Variants in ENTPD7 observed in about 807,000 individuals in gnomAD.
ENTPD7 encodes NTPDase 7.
Under a neutral mutation model 77.9 loss-of-function variants are expected in ENTPD7, and 53 were observed. The observed-to-expected ratio is 0.68, with a 90% confidence interval of 0.55 to 0.85. ENTPD7 has a LOEUF of 0.85. Ranked by LOEUF, ENTPD7 falls within the 40% of genes least tolerant of loss-of-function variation. ENTPD7 has a pLI of 0.00. For missense variants in ENTPD7, 636 were observed against 743.7 expected (o/e 0.86, Z 1.68); for synonymous variants, 248 against 274.9 (o/e 0.90, Z 0.97).
Position 99,706,144 on chromosome 10 carries a change from A to G in ENTPD7, c.*1461A>G, listed in dbSNP as rs1329493241. On this transcript the variant is annotated 3_prime_UTR_variant, in exon 13 of 13. Coordinates refer to ENST00000370489, the MANE Select transcript of ENTPD7 (RefSeq NM_020354.5). ...AAAACAAAAGTAGAATTCTTCAAAA[A>G]TAAATTTCATACTGGGAACAGAAAG... is the stretch of plus-strand genomic sequence containing the variant. 1 of 152,224 alleles carries G rather than the reference A, an allele frequency of 6.6e-6. No individual in the cohort carries two copies. The highest frequency in any genetic ancestry group is 1.5e-5 in the Non-Finnish European group (1 of 68,034). The allele number at this position is 152,224 out of a possible 1,614,324, so 9.4% of individuals were successfully genotyped here. A position where few individuals can be genotyped will look rare whatever the true frequency, so the allele number is the denominator to read the frequency against.
At chr10:99,664,794 C>T (rs1590036297) in intron 3 of ENTPD7, among the ~76,000 whole-genome samples, 5 of 151,994 alleles carry the variant, frequency 3.3e-5, no homozygotes, top group Admixed American at 3.3e-4. Flanking sequence ...AGTTAAGAGG[C>T]TTTGGGCTGC....
Position 99,710,252 on chromosome 10 carries a change from T to C in ENTPD7, c.*5569T>C. 1.0e-6 allele frequency: 1 copy of C among 985,428 alleles called. No individual in the cohort carries two copies. Among genetic ancestry groups the C allele is most frequent in the Non-Finnish European group, 1.2e-6 (1 of 829,940 alleles). The allele number at this position is 985,428 out of a possible 1,614,324, so 61.0% of individuals were successfully genotyped here. On this transcript the variant is annotated 3_prime_UTR_variant, in exon 13 of 13. Coordinates refer to ENST00000370489, the MANE Select transcript of ENTPD7 (RefSeq NM_020354.5). ...AGACGCCCCTTACTAGCTTCATAAATGTTTTTCTGCAAGCAGGGATCCCAG... is the reference window on the plus strand; with the variant it reads ...AGACGCCCCTTACTAGCTTCATAAACGTTTTTCTGCAAGCAGGGATCCCAG...
chr10:99,690,804 T>A (rs1048500469), intron 7 of ENTPD7, among the ~76,000 whole-genome samples: 11 of 152,144 alleles, frequency 7.2e-5, no homozygotes, highest in Non-Finnish European at 1.3e-4. Context: ...TCTCCCTTCA[T>A]AATTTTTAAA....
At chr10:99,695,221 A>G (rs1197117915) in intron 8 of ENTPD7, among the ~76,000 whole-genome samples, 2 of 152,120 alleles carry the variant, frequency 1.3e-5, no homozygotes, top group African/African-American at 4.8e-5. Flanking sequence ...GGCTTCTTGG[A>G]TAATGTTAGA....
chr10:99,663,366 CT>C, intron 3 of ENTPD7, among the ~76,000 whole-genome samples: 1 of 151,520 alleles, frequency 6.6e-6, no homozygotes, highest in Admixed American at 6.6e-5. Context: ...TAGAATGTAT[CT>C]TTTTCCTCTG....
At position 99,698,761 on chromosome 10, in the gene ENTPD7, G is replaced by C; in HGVS notation, c.1238G>C (p.Ser413Thr). The change falls in exon 10 of 13, where the codon AGC (serine) becomes ACC (threonine). Residue 413 changes from serine (S) to threonine (T), a missense_variant. Ser to Thr is a moderately conservative substitution (Grantham distance 58). Transcript: ENST00000370489. ...IYQSPIDFNNSEFYGFSEFFY... is the reference protein window; with the variant it reads ...IYQSPIDFNNTEFYGFSEFFY... ...CAATCGCCTATTGACTTCAACAACA[G>C]CGAGTTCTACGGCTTCTCTGAGTTT... is the stretch of plus-strand genomic sequence containing the variant. 6.2e-7 allele frequency: 1 copy of C among 1,614,272 alleles called. No individual in the cohort carries two copies. Among genetic ancestry groups the C allele is most frequent in the Non-Finnish European group, 8.5e-7 (1 of 1,180,058 alleles).
chr10:99,663,414 A>C (rs1463460927), intron 3 of ENTPD7, among the ~76,000 whole-genome samples: 1 of 150,508 alleles, frequency 6.6e-6, no homozygotes, highest in East Asian at 1.9e-4. Flanking sequence ...ACTGGTTTTA[A>C]GCAATTTGAT....
chr10:99,698,984 T>C (rs2036048758), intron 10 of ENTPD7, 126 bp downstream of exon 10: 1 of 841,276 alleles, frequency 1.2e-6, no homozygotes, highest in Non-Finnish European at 1.8e-6. Context: ...CAGGAGCCCT[T>C]TGAACACTCA....
At chr10:99,670,994 G>A (rs2035613505) in intron 3 of ENTPD7, among the ~76,000 whole-genome samples, 1 of 151,740 alleles carries the variant, frequency 6.6e-6, no homozygotes, top group South Asian at 2.1e-4. Flanking sequence ...CTCCATCCTG[G>A]GCAACAGAGC....
chr10:99,669,170 C>G (rs900223936), intron 3 of ENTPD7, among the ~76,000 whole-genome samples: 1 of 151,608 alleles, frequency 6.6e-6, no homozygotes, highest in East Asian at 1.9e-4. Flanking sequence ...GAGCCACTGT[C>G]CTAGGCCCAT....
intron 8 of ENTPD7, among the ~76,000 whole-genome samples, chr10:99,693,083 T>G (rs1457749157): frequency 1.3e-5 from 2 of 151,996 alleles, no homozygotes; most frequent in Non-Finnish European, 2.9e-5. Context: ...ATTGTGGTAG[T>G]GTGAGTAGGG....
intron 3 of ENTPD7, among the ~76,000 whole-genome samples, chr10:99,667,005 T>G (rs1418443186): frequency 1.3e-5 from 2 of 152,180 alleles, no homozygotes; most frequent in Non-Finnish European, 2.9e-5. Context: ...AGCATTTAAA[T>G]GTATGTGGGT....
intron 5 of ENTPD7, among the ~76,000 whole-genome samples, chr10:99,684,097 C>G (rs1241200216): frequency 1.3e-5 from 2 of 152,134 alleles, no homozygotes; most frequent in Non-Finnish European, 2.9e-5. Flanking sequence ...CCTCTATCGC[C>G]CAGGCTGGAG....
intron 12 of ENTPD7, 117 bp from the exon 13 acceptor site, chr10:99,704,335 A>C: frequency 9.8e-7 from 1 of 1,020,968 alleles, no homozygotes; most frequent in Non-Finnish European, 1.5e-6. Flanking sequence ...TGGTGTCATA[A>C]AATGTTTATG....
At position 99,710,505 on chromosome 10, in the gene ENTPD7, A is replaced by G. The variant is rs1590073976; in HGVS notation, c.*5822A>G. 1.0e-6 allele frequency: 1 copy of G among 985,140 alleles called. No individual in the cohort carries two copies. The highest frequency in any genetic ancestry group is 4.7e-5 in the South Asian group (1 of 21,282). 61.0% of individuals were successfully genotyped at this position (985,140 alleles called of 1,614,324 possible). A position where few individuals can be genotyped will look rare whatever the true frequency, so the allele number is the denominator to read the frequency against. The stretch of plus-strand genomic sequence containing the variant: ...TACATTGCTTTGGGGAGTTGTTAAG[A>G]CTCTGTTTTTTCTACTGCTTCACAT... On this transcript the variant is annotated 3_prime_UTR_variant, in exon 13 of 13. Coordinates refer to ENST00000370489, the MANE Select transcript of ENTPD7 (RefSeq NM_020354.5).
intron 4 of ENTPD7, 76 bp from the exon 5 acceptor site, chr10:99,679,649 A>G: frequency 6.6e-7 from 1 of 1,520,296 alleles, no homozygotes; most frequent in Non-Finnish European, 8.8e-7. Flanking sequence ...AGAACTTTAT[A>G]GGGTATCAGT....
chr10:99,685,073 C>CA (rs1305596413), intron 5 of ENTPD7, among the ~76,000 whole-genome samples: 1 of 152,144 alleles, frequency 6.6e-6, no homozygotes, highest in Non-Finnish European at 1.5e-5. Flanking sequence ...GCCTGACTAA[C>CA]ATGGTGCAAC....
chr10:99,710,225 G>A lies in ENTPD7; in HGVS notation c.*5542G>A, dbSNP rs1390851735. 1.9e-5 allele frequency: 19 copies of A among 985,310 alleles called. No homozygotes were observed. The highest frequency in any genetic ancestry group is 2.2e-5 in the Non-Finnish European group (18 of 829,944). 61.0% of individuals were successfully genotyped at this position (985,310 alleles called of 1,614,324 possible). ...TGCCGGCATTTGGCCTGCTGCTGGT[G>A]AAGACGCCCCTTACTAGCTTCATAA... On this transcript the variant is annotated 3_prime_UTR_variant, in exon 13 of 13. Transcript: ENST00000370489.
In ENTPD7 at chr10:99,691,370, T is replaced by C. The variant is rs773602293; in HGVS notation, c.710-15T>C. Reference sequence around the variant, plus strand: ...TTTAATTACTAGGGCCTTTTTGTTCTCTTATTTATTTCAGAATCAGATGCT... The same window carrying C: ...TTTAATTACTAGGGCCTTTTTGTTCCCTTATTTATTTCAGAATCAGATGCT... On this transcript the variant is annotated splice_polypyrimidine_tract_variant and intron_variant, in intron 7 of 12. Transcript: ENST00000370489. 6.2e-7 allele frequency: 1 copy of C among 1,608,130 alleles called. No individual in the cohort carries two copies. The highest frequency in any genetic ancestry group is 1.1e-5 in the South Asian group (1 of 90,514).
Sources: allele counts gnomAD v4.1 joint callset (sites outside exome capture counted in the v4.1 genomes callset), GRCh38; gene constraint gnomAD v4.1.1; transcripts MANE v1.5; gene names NCBI Gene and HGNC (gene_info 2026-07-23, HGNC 2026-07-21).